The following DRC11 variants were observed in gnomAD, a reference collection of about 807,000 sequenced individuals.
The protein encoded by DRC11 is IQ and AAA domain-containing protein 1.
chr2:236,350,174 A>G, the DRC11 span, among the ~76,000 whole-genome samples: 3 of 152,314 alleles, frequency 2.0e-5, no homozygotes, highest in Middle Eastern at 0.01. The surrounding 1 kb of genome is among the most constrained non-coding windows in gnomAD (Gnocchi z 5.2). Flanking sequence ...TCAGATTCTA[A>G]ATCAGTTGTT....
the DRC11 span, among the ~76,000 whole-genome samples, chr2:236,309,282 G>A: frequency 6.6e-6 from 1 of 152,218 alleles, no homozygotes. This position sits in a 1 kb window ranked among gnomAD's most constrained non-coding sequence, Gnocchi z 5.7. Flanking sequence ...AGCTACTGGA[G>A]CCTTGCACAA....
chr2:236,505,694 T>C, the DRC11 span, among the ~76,000 whole-genome samples: 1 of 152,140 alleles, frequency 6.6e-6, no homozygotes, highest in Non-Finnish European at 1.5e-5. Flanking sequence ...CTGAATAGCA[T>C]CTTGATGCTG....
the DRC11 span, among the ~76,000 whole-genome samples, chr2:236,357,054 C>CGA: frequency 7.7e-5 from 6 of 77,942 alleles, 1 homozygote; most frequent in South Asian, 6.2e-4. Context: ...TATTATATAT[C>CGA]TATTTATATA....
chr2:236,355,741 CTCTCTCTCTG>C, the DRC11 span, among the ~76,000 whole-genome samples: 11 of 147,654 alleles, frequency 7.4e-5, no homozygotes, highest in South Asian at 2.2e-4. Context: ...CTCTCTCTCT[CTCTCTCTCTG>C]TGTGTGTGTG....
At chr2:236,368,263 A>C in the DRC11 span, 1 of 1,608,184 alleles carries the variant, frequency 6.2e-7, no homozygotes, top group African/African-American at 1.3e-5. Flanking sequence ...GGTTCTATGG[A>C]CACCTGGCGA....
At chr2:236,353,621 G>T in the DRC11 span, among the ~76,000 whole-genome samples, 1 of 152,060 alleles carries the variant, frequency 6.6e-6, no homozygotes, top group Non-Finnish European at 1.5e-5. This position sits in a 1 kb window ranked among gnomAD's most constrained non-coding sequence, Gnocchi z 5.0. Context: ...TTTTTCAGCT[G>T]ATGTGTCTCG....
the DRC11 span, among the ~76,000 whole-genome samples, chr2:236,328,317 T>A: frequency 1.3e-5 from 2 of 152,228 alleles, no homozygotes; most frequent in Non-Finnish European, 2.9e-5. The surrounding 1 kb of genome is among the most constrained non-coding windows in gnomAD (Gnocchi z 6.7). Flanking sequence ...ATTATCATTT[T>A]AAAAATTATA....
chr2:236,425,380 AATT>A, the DRC11 span, among the ~76,000 whole-genome samples: 1 of 151,674 alleles, frequency 6.6e-6, no homozygotes, highest in East Asian at 1.9e-4. Flanking sequence ...CTCATTGTTT[AATT>A]TGCGTATGTC....
At chr2:236,385,145 C>A in the DRC11 span, among the ~76,000 whole-genome samples, 1 of 151,894 alleles carries the variant, frequency 6.6e-6, no homozygotes, top group African/African-American at 2.4e-5. Flanking sequence ...GCGACGCGGG[C>A]TCTTTTTTGG....
chr2:236,411,138 A>G, the DRC11 span, among the ~76,000 whole-genome samples: 3 of 149,622 alleles, frequency 2.0e-5, no homozygotes, highest in East Asian at 5.9e-4. Context: ...AATTTTCGCA[A>G]CCTACTCATC....
the DRC11 span, among the ~76,000 whole-genome samples, chr2:236,488,534 T>A: frequency 2.0e-5 from 3 of 152,188 alleles, no homozygotes; most frequent in Admixed American, 2.0e-4. Flanking sequence ...CTATCAATAT[T>A]TCATTAACTT....
chr2:236,344,963 G>C, the DRC11 span, among the ~76,000 whole-genome samples: 5 of 143,524 alleles, frequency 3.5e-5, no homozygotes, highest in Admixed American at 6.9e-5. Context: ...GCTTCCCTCT[G>C]GGGTGTGCAG....
the DRC11 span, among the ~76,000 whole-genome samples, chr2:236,476,099 A>AT: frequency 6.6e-6 from 1 of 151,846 alleles, no homozygotes; most frequent in Admixed American, 6.6e-5. This position sits in a 1 kb window ranked among gnomAD's most constrained non-coding sequence, Gnocchi z 4.7. Flanking sequence ...TTTTTTTTCT[A>AT]TTTTTGTGAA....
chr2:236,343,757 G>C, the DRC11 span: 1 of 1,303,656 alleles, frequency 7.7e-7, no homozygotes, highest in African/African-American at 1.5e-5. The surrounding 1 kb of genome is among the most constrained non-coding windows in gnomAD (Gnocchi z 6.6). Flanking sequence ...CCAGCAGAGG[G>C]AGTGAACTAC....
chr2:236,400,896 G>A, the DRC11 span, among the ~76,000 whole-genome samples: 11 of 152,272 alleles, frequency 7.2e-5, no homozygotes, highest in African/African-American at 2.6e-4. The surrounding 1 kb of genome is among the most constrained non-coding windows in gnomAD (Gnocchi z 7.9). Flanking sequence ...CTGTTCTGCC[G>A]TGGAGGCTTT....
chr2:236,312,844 C>T, the DRC11 span, among the ~76,000 whole-genome samples: 1 of 151,908 alleles, frequency 6.6e-6, no homozygotes, highest in Non-Finnish European at 1.5e-5. Flanking sequence ...AAAAAACTAA[C>T]ATCAAAGAAT....
chr2:236,401,757 C>T, the DRC11 span, among the ~76,000 whole-genome samples: 29,045 of 97,242 alleles, frequency 0.3, 3,037 homozygotes, highest in Middle Eastern at 0.39. This position sits in a 1 kb window ranked among gnomAD's most constrained non-coding sequence, Gnocchi z 4.6. Context: ...GGGGTTGGTG[C>T]GGGGAAGAGA....
At chr2:236,384,802 T>C in the DRC11 span, among the ~76,000 whole-genome samples, 1 of 151,950 alleles carries the variant, frequency 6.6e-6, no homozygotes, top group Admixed American at 6.6e-5. Context: ...AGGTCTAACG[T>C]TTAAGTCTTT....
the DRC11 span, among the ~76,000 whole-genome samples, chr2:236,460,944 G>A: frequency 1.3e-5 from 2 of 151,982 alleles, no homozygotes; most frequent in Admixed American, 6.6e-5. The surrounding 1 kb of genome is among the most constrained non-coding windows in gnomAD (Gnocchi z 4.0). Flanking sequence ...TAGTAGAGAC[G>A]GGGTTTCACC....
Sources: gnomAD v4.1 joint callset for allele counts (sites outside exome capture counted in the v4.1 genomes callset) on GRCh38, gnomAD v4.1.1 for gene constraint, Gnocchi (gnomAD v3.1) non-coding constraint, MANE v1.5 for transcripts, NCBI Gene and HGNC (gene_info 2026-07-23, HGNC 2026-07-21) for gene names.